ZNF124: variants seen among roughly 807,000 people sequenced by gnomAD.
ZNF124 encodes the protein zinc finger protein HZF-16.
Under a neutral mutation model 26.6 loss-of-function variants are expected in ZNF124, and 25 were observed. The ratio of observed to expected loss-of-function variants is 0.94; its 90% CI spans 0.68 to 1.31. ZNF124 has a LOEUF of 1.31. Among genes scored for constraint, ZNF124 ranks in the 40% most tolerant of loss-of-function variants. The pLI, the probability that ZNF124 is intolerant of heterozygous loss-of-function variation, is 0.00. For synonymous variants in ZNF124, 129 were observed against 133.3 expected (o/e 0.97, Z 0.22); for missense variants, 444 against 422.2 (o/e 1.05, Z -0.45).
At chr1:247,166,150 G>A (rs931092112) in intron 1 of ZNF124, among the ~76,000 whole-genome samples, 1 of 152,192 alleles carries the variant, frequency 6.6e-6, no homozygotes, top group African/African-American at 2.4e-5. Flanking sequence ...CTGCACTCCA[G>A]CCTGGGTGAC....
chr1:247,157,507 G>C (rs1308973030), intron 3 of ZNF124, 104 bp from the exon 4 acceptor site: 1 of 1,133,818 alleles, frequency 8.8e-7, no homozygotes, highest in Non-Finnish European at 1.3e-6. Flanking sequence ...TTTGGCATCT[G>C]GAGGTTTTTC....
At chr1:247,151,615 A>G (rs1672946979), downstream of ZNF124, among the ~76,000 whole-genome samples, 1 of 152,218 alleles carries the variant, frequency 6.6e-6, no homozygotes, top group Non-Finnish European at 1.5e-5. Flanking sequence ...CCTACAGCTG[A>G]AGAGACGTAA....
chr1:247,165,683 G>T (rs1673739267), intron 1 of ZNF124, among the ~76,000 whole-genome samples: 1 of 152,120 alleles, frequency 6.6e-6, no homozygotes, highest in Admixed American at 6.5e-5. Flanking sequence ...CTAATATCCA[G>T]AATCTGTAAG....
At chr1:247,124,722 T>C (rs1346235104) in intron 3 of ZNF124, among the ~76,000 whole-genome samples, 1 of 152,102 alleles carries the variant, frequency 6.6e-6, no homozygotes, top group African/African-American at 2.4e-5. Context: ...GTGGGGTTTG[T>C]GTGTGTGTGT....
chr1:247,157,454 A>G, intron 3 of ZNF124, 51 bp from the exon 4 acceptor site: 1 of 1,517,938 alleles, frequency 6.6e-7, no homozygotes, highest in African/African-American at 1.4e-5. Flanking sequence ...CAATGCATTC[A>G]TGTGGTTTTA....
At position 247,156,675 on chromosome 1, in the gene ZNF124, T is replaced by TTC. The variant is rs1370308288; in HGVS notation, c.945_946dup (p.Lys316ArgfsTer55). ...GCCACATTTCTGACATTCATAGGGT[T>TTC]TCTCTCCAGTATGAGTCCTTTCATG... is the stretch of plus-strand genomic sequence containing the variant. On this transcript the variant is annotated frameshift_variant, in exon 4 of 4. Coordinates refer to ENST00000543802, the MANE Select transcript of ZNF124 (RefSeq NM_001297568.2). LOFTEE classifies it high-confidence loss of function. The TTC allele has an allele frequency of 6.2e-7, 1 of 1,613,152 alleles. No homozygotes were observed. Among genetic ancestry groups the TTC allele is most frequent in the African/African-American group, 1.3e-5 (1 of 74,820 alleles).
intron 3 of ZNF124, among the ~76,000 whole-genome samples, chr1:247,130,847 G>T (rs921312155): frequency 8.5e-5 from 13 of 152,240 alleles, no homozygotes; most frequent in African/African-American, 3.1e-4. Context: ...GGAGGCCGAG[G>T]TGGGCAGATC....
exon 4 of ZNF124, chr1:247,122,685 G>C (rs1273549746): frequency 6.6e-6 from 1 of 152,240 alleles, no homozygotes; most frequent in East Asian, 1.9e-4. Context: ...TGAGATTTCG[G>C]GTGTATGTCG....
At position 247,168,884 on chromosome 1, in the gene ZNF124, T is replaced by C. The variant is rs917014479; in HGVS notation, c.30+2964A>G. 2.6e-5 allele frequency among the ~76,000 whole-genome samples: 4 copies of C among 152,094 alleles called. No individual in the cohort carries two copies. Among genetic ancestry groups the C allele is most frequent in the Non-Finnish European group, 5.9e-5 (4 of 68,016 alleles). ...GGGTGGGAGGGGGTGAGACTGCATATTGGGTACAGCGTACACTGATAAGGT... is the reference window on the plus strand; with the variant it reads ...GGGTGGGAGGGGGTGAGACTGCATACTGGGTACAGCGTACACTGATAAGGT... On this transcript the variant is annotated intron_variant, in intron 1 of 3. Coordinates refer to ENST00000543802, the MANE Select transcript of ZNF124 (RefSeq NM_001297568.2). This position sits in a 1 kb window ranked among gnomAD's most constrained non-coding sequence, Gnocchi z 4.0.
chr1:247,132,449 C>G (rs896968689), intron 3 of ZNF124, among the ~76,000 whole-genome samples: 1 of 152,168 alleles, frequency 6.6e-6, no homozygotes. Flanking sequence ...GTTGGACAAA[C>G]TGACAGAAGT....
Position 247,168,790 on chromosome 1 carries a change from G to C in ZNF124, c.30+3058C>G, listed in dbSNP as rs1440797006. On this transcript the variant is annotated intron_variant, in intron 1 of 3. Coordinates refer to ENST00000543802, the MANE Select transcript of ZNF124 (RefSeq NM_001297568.2). This position sits in a 1 kb window ranked among gnomAD's most constrained non-coding sequence, Gnocchi z 4.0. ...AAATATTCTATGTTCTCACTTATAA[G>C]TGGGAGCTAAGCTATGAGGTTACAA... Among the ~76,000 whole-genome samples the C allele has an allele frequency of 2.0e-5, 3 of 152,122 alleles. No individual in the cohort carries two copies. Among genetic ancestry groups the C allele is most frequent in the African/African-American group, 7.2e-5 (3 of 41,428 alleles).
At position 247,158,642 on chromosome 1, in the gene ZNF124, TC is replaced by T. The variant is rs201832465; in HGVS notation, c.218+363del. ...ATTTTGTTTGCTTGGTTTTTTTTTT[TC>T]CCCGAGATGGTGTTTTGCTCTTGTT... On this transcript the variant is annotated intron_variant, in intron 3 of 3. Transcript: ENST00000543802. Among the ~76,000 whole-genome samples, 344 of 152,000 alleles carry T rather than the reference TC, an allele frequency of 2.3e-3. 2 individuals carry two copies. Among genetic ancestry groups the T allele is most frequent in the African/African-American group, 7.9e-3 (328 of 41,436 alleles).
At chr1:247,124,452 C>T (rs564283642) in intron 3 of ZNF124, among the ~76,000 whole-genome samples, 148 of 151,858 alleles carry the variant, frequency 9.7e-4, no homozygotes, top group African/African-American at 3.4e-3. Context: ...CTACCCGCCG[C>T]GGCTTCCCAA....
At chr1:247,136,601 A>G (rs527312106) in intron 3 of ZNF124, among the ~76,000 whole-genome samples, 1 of 152,346 alleles carries the variant, frequency 6.6e-6, no homozygotes, top group East Asian at 1.9e-4. Context: ...TGCTATTCCC[A>G]TCAAACTACC....
chr1:247,135,733 A>C (rs1268012647), intron 3 of ZNF124, among the ~76,000 whole-genome samples: 1 of 152,188 alleles, frequency 6.6e-6, no homozygotes, highest in Non-Finnish European at 1.5e-5. Flanking sequence ...CAAAAAAAGA[A>C]GACTTCAGGC....
chr1:247,129,991 C>T (rs1425337816), intron 3 of ZNF124, among the ~76,000 whole-genome samples: 1 of 141,084 alleles, frequency 7.1e-6, no homozygotes, highest in East Asian at 2.0e-4. Context: ...GAGTACTTCC[C>T]CGAGCAGGAT....
intron 3 of ZNF124, among the ~76,000 whole-genome samples, chr1:247,144,956 A>G (rs1368783259): frequency 2.0e-5 from 3 of 152,002 alleles, no homozygotes; most frequent in Admixed American, 1.3e-4. Flanking sequence ...TTGTATTTTT[A>G]GTAGAACCGG....
intron 3 of ZNF124, among the ~76,000 whole-genome samples, chr1:247,125,618 G>C (rs769473898): frequency 4.6e-5 from 7 of 151,604 alleles, no homozygotes; most frequent in Admixed American, 1.3e-4. Flanking sequence ...TTTTAGTAGA[G>C]ACGGGGTTTC....
At position 247,155,284 on chromosome 1, in the gene ZNF124, CAAA is replaced by C. The variant is rs572570232; in HGVS notation, c.*1279_*1281del. Among the ~76,000 whole-genome samples the C allele has an allele frequency of 1.4e-4, 22 of 152,156 alleles. No homozygotes were observed. The highest frequency in any genetic ancestry group is 3.4e-3 in the Middle Eastern group (1 of 294). ...TCATTTATCAATGGCCAATTAATAA[CAAA>C]ATAATTAAACTACACAGAAGTTAAA... On this transcript the variant is annotated 3_prime_UTR_variant, in exon 4 of 4. Transcript: ENST00000543802.
Sources: gnomAD v4.1 joint callset for allele counts (sites outside exome capture counted in the v4.1 genomes callset) on GRCh38, gnomAD v4.1.1 for gene constraint, Gnocchi (gnomAD v3.1) non-coding constraint, MANE v1.5 for transcripts, NCBI Gene and HGNC (gene_info 2026-07-23, HGNC 2026-07-21) for gene names.